Variants in DUSP15 observed in about 807,000 individuals in gnomAD.
The protein encoded by DUSP15 is dual specificity phosphatase 15.
A neutral mutation model predicts 26.3 loss-of-function variants in DUSP15; 23 were observed. The observed-to-expected ratio is 0.87, with a 90% CI of 0.63 to 1.24. The LOEUF (loss-of-function observed/expected upper bound fraction) is 1.24, where lower values mean the gene tolerates loss of function less well. Ranked by LOEUF, DUSP15 falls within the 50% of genes most tolerant of loss-of-function variation. The pLI is 0.00. For missense variants in DUSP15, 364 were observed against 320.6 expected, an observed-to-expected ratio of 1.14 and a Z score of -1.03; for synonymous variants, 143 against 135.5, an observed-to-expected ratio of 1.06 and a Z score of -0.39.
rs73903661 is a variant in DUSP15 at position 31,850,666 on chromosome 20, T to C, written c.437A>G (p.His146Arg). 7,421 of 1,611,626 alleles carry C rather than the reference T, an allele frequency of 4.6e-3. 263 individuals are homozygous for C. In the African/African-American group the frequency reaches 0.084, roughly 18 times the overall value. The change falls in exon 7 of 10, where the codon CAT becomes CGT. Residue 146 changes from histidine to arginine, a missense_variant. His to Arg is a conservative substitution (Grantham distance 29). Transcript: ENST00000278979. ...GGCACCAGAGGTTTTTGAGGTCCTA[T>C]GTCTGGCACCCTGGTGAAGGAGAGG... is the stretch of plus-strand genomic sequence containing the variant.
At chr20:31,864,841 C>T in intron 4 of DUSP15, 112 bp downstream of exon 4, 2 of 1,148,282 alleles carry the variant, frequency 1.7e-6, no homozygotes, top group East Asian at 2.4e-5. Context: ...GAGTTGAACA[C>T]CTGTGATAGC....
intron 4 of DUSP15, 45 bp downstream of exon 4, chr20:31,864,908 A>C: frequency 6.3e-7 from 1 of 1,584,264 alleles, no homozygotes; most frequent in Non-Finnish European, 8.7e-7. Context: ...CCCACCACAG[A>C]AGGCAGCTGT....
At chr20:31,847,216 T>C (rs1435151177), downstream of DUSP15, among the ~76,000 whole-genome samples, 5 of 152,186 alleles carry the variant, frequency 3.3e-5, no homozygotes, top group African/African-American at 7.2e-5. Flanking sequence ...AGAAGGTAAG[T>C]AAATTCCCTG....
chr20:31,849,032 G>T (rs1438578744), intron 8 of DUSP15: 2 of 724,760 alleles, frequency 2.8e-6, no homozygotes, highest in Non-Finnish European at 4.6e-6. Context: ...CCCATTGTGT[G>T]CCTGTACCCT....
At position 31,848,636 on chromosome 20, in the gene DUSP15, C is replaced by T. The variant is rs2062407352; in HGVS notation, c.727-71G>A. On this transcript the variant is annotated intron_variant, in intron 9 of 9. Transcript: ENST00000278979. ...CCTCGGATGTTCCCATGGGAAGTCA[C>T]AGCCCTAGTTACAGCCCCATCCCTA... 4 of 1,480,890 alleles carry T rather than the reference C, an allele frequency of 2.7e-6. No homozygotes were observed. In the African/African-American group the frequency reaches 5.6e-5, roughly 21 times the overall value. The allele number at this position is 1,480,890 out of a possible 1,614,324, so 91.7% of individuals were successfully genotyped here. A position where few individuals can be genotyped will look rare whatever the true frequency, so the allele number is the denominator to read the frequency against.
At chr20:31,846,479 G>A (rs1296586118), downstream of DUSP15, among the ~76,000 whole-genome samples, 1 of 144,680 alleles carries the variant, frequency 6.9e-6, no homozygotes, top group Non-Finnish European at 1.5e-5. Flanking sequence ...AGAGAGAGGA[G>A]AGAGAGGCAG....
In DUSP15 at chr20:31,861,534, A is replaced by T. The variant is rs2062651953; in HGVS notation, c.577T>A (p.Ser193Thr). The change falls in exon 7 of 7, where the codon TCC becomes ACC. Residue 193 changes from serine to threonine, a missense_variant. Transcript: ENST00000339738. ...ASSAGPHSAA[S>T]EGTVQRLVPR... ...ACCAGGCGCTGCACGGTTCCCTCGGAGGCTGCTGAGTGCGGCCCGGCGGAG... is the reference window on the plus strand; with the variant it reads ...ACCAGGCGCTGCACGGTTCCCTCGGTGGCTGCTGAGTGCGGCCCGGCGGAG... 1 of 1,514,634 alleles carries T rather than the reference A, an allele frequency of 6.6e-7. No homozygotes were observed. 93.8% of individuals were successfully genotyped at this position (1,514,634 alleles called of 1,614,324 possible). A position where few individuals can be genotyped will look rare whatever the true frequency, so the allele number is the denominator to read the frequency against.
At chr20:31,867,631 G>GTTTTGTTTTT (rs2062797175) in intron 2 of DUSP15, among the ~76,000 whole-genome samples, 11 of 77,652 alleles carry the variant, frequency 1.4e-4, no homozygotes, top group African/African-American at 6.0e-4. Context: ...TGCCCACAAT[G>GTTTTGTTTTT]TTTTTTTTTT....
chr20:31,857,346 G>A (rs745629159), downstream of DUSP15, among the ~76,000 whole-genome samples: 30 of 151,100 alleles, frequency 2.0e-4, no homozygotes, highest in Non-Finnish European at 3.7e-4. Flanking sequence ...TTATAGAGAC[G>A]GGCTCTCACT....
Position 31,861,483 on chromosome 20 carries a change from G to T in DUSP15, c.628C>A (p.Arg210=). 1 of 1,540,872 alleles carries T rather than the reference G, an allele frequency of 6.5e-7. No individual in the cohort carries two copies. The highest frequency in any genetic ancestry group is 1.2e-5 in the South Asian group (1 of 83,590). Reference sequence around the variant, plus strand: ...ACGCGCGCCAGCAGCGGCAGCGGCCGGTGGGCTTCCCGGGGCGTGCGCGGC... The same window carrying T: ...ACGCGCGCCAGCAGCGGCAGCGGCCTGTGGGCTTCCCGGGGCGTGCGCGGC... The part of the protein sequence containing the change: ...LVPRTPREAH[R]PLPLLARVKQ... The change falls in exon 7 of 7, where the codon CGG becomes AGG. Residue 210 remains arginine, a synonymous_variant. Transcript: ENST00000339738.
At chr20:31,845,664 AGGC>A, downstream of DUSP15, 23 of 1,223,864 alleles carry the variant, frequency 1.9e-5, no homozygotes, top group Admixed American at 2.6e-4. Flanking sequence ...CAGCCTGGAA[AGGC>A]AAAAAGGGGT....
downstream of DUSP15, among the ~76,000 whole-genome samples, chr20:31,859,179 C>T (rs1300545551): frequency 6.6e-6 from 1 of 151,932 alleles, no homozygotes; most frequent in Admixed American, 6.6e-5. Context: ...CCCTAGAGCC[C>T]GGGAGCCTAA....
exon 10 of DUSP15, chr20:31,848,449 G>A (rs1433129846): frequency 1.2e-6 from 2 of 1,612,152 alleles, no homozygotes; most frequent in East Asian, 4.5e-5. Flanking sequence ...GATGGAGGCA[G>A]CTGCATTGAA....
rs1194268604 is a variant in DUSP15, at chr20:31,862,657, C to A, written c.349G>T (p.Ala117Ser). 1 of 1,614,166 alleles carries A rather than the reference C, an allele frequency of 6.2e-7. No homozygotes were observed. The highest frequency in any genetic ancestry group is 2.2e-5 in the East Asian group (1 of 44,878). ...TGLGWRDVLE[A>S]IKATRPIANP... ...GCGATGGGCCTGGTGGCCTTGATGG[C>A]TTCAAGCACGTCCCGCCAGCCTAGC... The change falls in exon 6 of 7, where the codon GCC (alanine) becomes TCC (serine). Residue 117 changes from alanine to serine, a missense_variant. By Grantham distance (99) the Ala-to-Ser change is moderately conservative. Coordinates refer to ENST00000339738, the MANE Select transcript of DUSP15 (RefSeq NM_080611.5).
At chr20:31,846,293 GACACACACAC>G (rs71336552), downstream of DUSP15, among the ~76,000 whole-genome samples, 6 of 141,114 alleles carry the variant, frequency 4.3e-5, no homozygotes, top group East Asian at 2.1e-4. Context: ...CACAGACACA[GACACACACAC>G]ACACACACAC....
At position 31,862,744 on chromosome 20, in the gene DUSP15, TG is replaced by T; in HGVS notation, c.264-3del. 6.3e-7 allele frequency: 1 copy of T among 1,595,884 alleles called. No homozygotes were observed. Among genetic ancestry groups the T allele is most frequent in the Non-Finnish European group, 8.6e-7 (1 of 1,167,208 alleles). ...GTGCTGCGAGAGATGCCTGCAAAGC[TG>T]GGATCCCCAACAACCCCTCAGGCTT... is the stretch of plus-strand genomic sequence containing the variant. On this transcript the variant is annotated splice_polypyrimidine_tract_variant and splice_region_variant and intron_variant, in intron 5 of 6. Coordinates refer to ENST00000339738, the MANE Select transcript of DUSP15 (RefSeq NM_080611.5).
At chr20:31,867,737 C>T (rs1373038553) in intron 2 of DUSP15, among the ~76,000 whole-genome samples, 3 of 147,634 alleles carry the variant, frequency 2.0e-5, no homozygotes, top group Admixed American at 7.0e-5. Context: ...CTCTGCCTCC[C>T]GGGTTCACGC....
At chr20:31,848,280 AG>A (rs2123163764) in exon 10 of DUSP15, 1 of 1,144,026 alleles carries the variant, frequency 8.7e-7, no homozygotes, top group South Asian at 1.6e-5. Context: ...GAGGAGTGGA[AG>A]GCCGCGATCC....
chr20:31,852,158 C>T (rs1290202556), intron 6 of DUSP15, among the ~76,000 whole-genome samples: 1 of 152,098 alleles, frequency 6.6e-6, no homozygotes, highest in African/African-American at 2.4e-5. Context: ...CAGGCACCCG[C>T]CACCACTCCT....
Sources: gnomAD v4.1 joint callset for allele counts (sites outside exome capture counted in the v4.1 genomes callset) on GRCh38, gnomAD v4.1.1 for gene constraint, MANE v1.5 for transcripts, NCBI Gene and HGNC (gene_info 2026-07-23, HGNC 2026-07-21) for gene names.